Variants in TRABD observed in about 807,000 individuals in gnomAD.
The protein encoded by TRABD is TraB domain containing, also known as traB domain-containing protein.
A neutral mutation model predicts 39.6 loss-of-function variants in TRABD; 23 were observed. That is an observed-to-expected ratio of 0.58 (90% confidence interval 0.42 to 0.82). The LOEUF (loss-of-function observed/expected upper bound fraction) is 0.82, where lower values mean the gene tolerates loss of function less well. Among genes scored for constraint, TRABD ranks in the 40% least tolerant of loss-of-function variants. TRABD has a pLI of 0.00. For synonymous variants in TRABD, 243 were observed against 232.1 expected (o/e 1.05, Z -0.43); for missense variants, 487 against 544.9 (o/e 0.89, Z 1.06).
chr22:50,186,743 C>T (rs1004688737), intron 1 of TRABD, among the ~76,000 whole-genome samples: 4 of 152,238 alleles, frequency 2.6e-5, no homozygotes, highest in Non-Finnish European at 5.9e-5. Flanking sequence ...TCAATTGGAG[C>T]AGAGCGGGGT....
chr22:50,187,430 G>A (rs2063789173), intron 1 of TRABD, among the ~76,000 whole-genome samples: 1 of 152,226 alleles, frequency 6.6e-6, no homozygotes. Flanking sequence ...CCACACCCTG[G>A]TCCCTCCAAG....
At position 50,198,276 on chromosome 22, in the gene TRABD, C is replaced by A; in HGVS notation, c.957-69C>A. ...GGAGGCCAACCACATGCGGCAGTGACCCAGGCATGGGGGCTGGGGTATGGG... is the reference window on the plus strand; with the variant it reads ...GGAGGCCAACCACATGCGGCAGTGAACCAGGCATGGGGGCTGGGGTATGGG... On this transcript the variant is annotated intron_variant, in intron 9 of 9. Transcript: ENST00000380909. This position sits in a 1 kb window ranked among gnomAD's most constrained non-coding sequence, Gnocchi z 7.9. The A allele has an allele frequency of 6.6e-7, 1 of 1,519,866 alleles. No individual in the cohort carries two copies. Among genetic ancestry groups the A allele is most frequent in the Non-Finnish European group, 8.9e-7 (1 of 1,118,734 alleles). The allele number at this position is 1,519,866 out of a possible 1,614,324, so 94.1% of individuals were successfully genotyped here.
intron 1 of TRABD, among the ~76,000 whole-genome samples, chr22:50,187,809 C>T (rs1416342132): frequency 6.6e-6 from 1 of 151,928 alleles, no homozygotes; most frequent in Non-Finnish European, 1.5e-5. Flanking sequence ...GAAACCCCGT[C>T]TCTACTAAAA....
chr22:50,197,672 C>A (rs2064165610), intron 7 of TRABD, 84 bp downstream of exon 7: 1 of 1,580,168 alleles, frequency 6.3e-7, no homozygotes, highest in Non-Finnish European at 8.6e-7. Flanking sequence ...CCAAGCGCAG[C>A]CAATCCTCAC....
intron 5 of TRABD, among the ~76,000 whole-genome samples, chr22:50,195,249 G>A (rs1208586669): frequency 6.6e-6 from 1 of 152,154 alleles, no homozygotes; most frequent in Non-Finnish European, 1.5e-5. Context: ...GGAGGAAATG[G>A]GTGGCTCTCC....
Position 50,197,909 on chromosome 22 carries a change from G to A in TRABD, c.758G>A (p.Arg253His), listed in dbSNP as rs776456362. 12 of 1,612,758 alleles carry A rather than the reference G, an allele frequency of 7.4e-6. No individual in the cohort carries two copies. Among genetic ancestry groups the A allele is most frequent in the East Asian group, 2.2e-5 (1 of 44,848 alleles). ...EMIGEFPDLH[R>H]TIVSERDVYL... is the part of the protein sequence containing the mutation. ...ATTGGCGAGTTCCCAGACCTGCACC[G>A]CACCATCGTCTCGGAGCGCGACGTC... Residue 253 changes from arginine (R) to histidine (H), a missense_variant, in exon 8 of 10, where the codon CGC (arginine) becomes CAC (histidine). Physicochemically the swap from Arg to His is conservative, Grantham distance 29 (BLOSUM62 0). Coordinates refer to ENST00000380909, the MANE Select transcript of TRABD (RefSeq NM_001320485.2).
chr22:50,197,768 C>CCCCCCCCCCCCCCCTG (rs2064169999), intron 7 of TRABD, 55 bp from the exon 8 acceptor site: 1 of 1,320,234 alleles, frequency 7.6e-7, no homozygotes, highest in Non-Finnish European at 1.1e-6. Context: ...GTGCCAGCCC[C>CCCCCCCCCCCCCCCTG]ACCCCCCCAG....
At chr22:50,186,681 T>G (rs926170292) in intron 1 of TRABD, among the ~76,000 whole-genome samples, 12 of 152,210 alleles carry the variant, frequency 7.9e-5, no homozygotes, top group African/African-American at 2.9e-4. Flanking sequence ...CGTTGTCCCC[T>G]CCGGCCCCGC....
intron 1 of TRABD, chr22:50,190,497 A>G (rs1489127068): frequency 6.6e-6 from 1 of 152,258 alleles, no homozygotes; most frequent in Non-Finnish European, 1.5e-5. Context: ...TGGGGCTGCC[A>G]CACCCATGGG....
intron 5 of TRABD, among the ~76,000 whole-genome samples, chr22:50,195,736 A>T (rs111834652): frequency 6.6e-6 from 1 of 152,046 alleles, no homozygotes; most frequent in South Asian, 2.1e-4. Flanking sequence ...AGTGCTGGGA[A>T]TACAGGCATG....
intron 1 of TRABD, among the ~76,000 whole-genome samples, chr22:50,191,023 G>C (rs2063890636): frequency 6.6e-6 from 1 of 152,348 alleles, no homozygotes; most frequent in African/African-American, 2.4e-5. Flanking sequence ...CCTGCCTGTG[G>C]AGCGGGCCCC....
At chr22:50,191,016 G>A (rs2063890547) in intron 1 of TRABD, among the ~76,000 whole-genome samples, 1 of 152,210 alleles carries the variant, frequency 6.6e-6, no homozygotes, top group Non-Finnish European at 1.5e-5. Flanking sequence ...AGGGGAGCCT[G>A]CCTGTGGAGC....
At chr22:50,193,178 G>A (rs2063971317) in intron 2 of TRABD, 85 bp downstream of exon 2, 5 of 1,429,124 alleles carry the variant, frequency 3.5e-6, no homozygotes, top group Non-Finnish European at 2.8e-6. Flanking sequence ...GTCCCTGGCT[G>A]TTGTTCTGCA....
intron 1 of TRABD, among the ~76,000 whole-genome samples, chr22:50,189,943 CT>C (rs1489087951): frequency 6.6e-6 from 1 of 152,168 alleles, no homozygotes; most frequent in African/African-American, 2.4e-5. Context: ...GGGCCAGGGC[CT>C]TTTGCTCACC....
intron 1 of TRABD, chr22:50,192,523 G>A (rs2063938078): frequency 6.4e-6 from 1 of 155,346 alleles, no homozygotes; most frequent in South Asian, 1.8e-4. Context: ...ACGTTGATTT[G>A]TGTGCTTTGT....
intron 5 of TRABD, among the ~76,000 whole-genome samples, chr22:50,195,269 CA>C (rs772179131): frequency 3.3e-5 from 5 of 152,112 alleles, no homozygotes; most frequent in African/African-American, 1.2e-4. Context: ...CAAGCTGAGG[CA>C]GGGGCTGGTC....
At position 50,194,388 on chromosome 22, in the gene TRABD, G is replaced by A. The variant is rs1469300382; in HGVS notation, c.161G>A (p.Arg54Gln). 1.3e-5 allele frequency: 21 copies of A among 1,612,720 alleles called. No individual in the cohort carries two copies. The highest frequency in any genetic ancestry group is 1.7e-5 in the Admixed American group (1 of 59,974). Reference sequence around the variant, plus strand: ...CTCCTGGAGATGAAGCTGAAGCGGCGGCGTCAGCGGCCCAACCTGCCGCGC... The same window carrying A: ...CTCCTGGAGATGAAGCTGAAGCGGCAGCGTCAGCGGCCCAACCTGCCGCGC... Reference protein sequence around the residue: ...NLLLEMKLKRRRQRPNLPRTV... With the variant: ...NLLLEMKLKRQRQRPNLPRTV... The change falls in exon 4 of 10, where the codon CGG becomes CAG. Residue 54 changes from arginine (R) to glutamine (Q), a missense_variant. Arg to Gln is a conservative substitution (Grantham distance 43). This residue lies in a region of TRABD where 358 missense variants were observed against 414.7 expected (regional missense o/e 0.86). Transcript: ENST00000380909.
Position 50,198,030 on chromosome 22 carries a change from A to T in TRABD, c.844+35A>T, listed in dbSNP as rs750618446. The T allele has an allele frequency of 1.9e-6, 3 of 1,610,736 alleles. No homozygotes were observed. The highest frequency in any genetic ancestry group is 8.5e-7 in the Non-Finnish European group (1 of 1,178,564). ...GCCCGCAGGCGTGGGACCCCCTGTG[A>T]GGCTGAGGCCCGAGCAGGTACTGAC... On this transcript the variant is annotated intron_variant, in intron 8 of 9. Transcript: ENST00000380909. The surrounding 1 kb of genome is among the most constrained non-coding windows in gnomAD (Gnocchi z 7.9).
chr22:50,198,474 C>A lies in TRABD; in HGVS notation c.1086C>A (p.Ala362=). Reference sequence around the variant, plus strand: ...CGAGCCTGGTCCTGTCGCTGCCCGCCGCGCAGTACTGCCTGCAGAGGGTGA... The same window carrying A: ...CGAGCCTGGTCCTGTCGCTGCCCGCAGCGCAGTACTGCCTGCAGAGGGTGA... ...RTASLVLSLP[A]AQYCLQRVTE... The change falls in exon 10 of 10, where the codon GCC becomes GCA. Residue 362 remains alanine (A), a synonymous_variant. Transcript: ENST00000380909. This position sits in a 1 kb window ranked among gnomAD's most constrained non-coding sequence, Gnocchi z 7.9. 1 of 1,594,162 alleles carries A rather than the reference C, an allele frequency of 6.3e-7. No homozygotes were observed. Among genetic ancestry groups the A allele is most frequent in the East Asian group, 2.2e-5 (1 of 44,558 alleles).
Sources: allele counts gnomAD v4.1 joint callset (sites outside exome capture counted in the v4.1 genomes callset), GRCh38; gene constraint gnomAD v4.1.1; regional missense constraint gnomAD v4.1.1; non-coding constraint Gnocchi (gnomAD v3.1); transcripts MANE v1.5; gene names NCBI Gene and HGNC (gene_info 2026-07-23, HGNC 2026-07-21).